The following TMCO5A variants were observed in gnomAD, a reference collection of about 807,000 sequenced individuals.
The protein encoded by TMCO5A is transmembrane and coiled-coil domains 5A, also known as transmembrane and coiled-coil domain-containing protein 5A.
A neutral mutation model predicts 42.3 loss-of-function variants in TMCO5A; 34 were observed. That is an observed-to-expected ratio of 0.80 (90% CI 0.61 to 1.07). The LOEUF (loss-of-function observed/expected upper bound fraction) is 1.07, where lower values mean the gene tolerates loss of function less well. Among genes scored for constraint, TMCO5A ranks in the 50% least tolerant of loss-of-function variants. The probability of loss-of-function intolerance (pLI) is 0.00; values close to 1 mark genes in which losing one functional copy is unlikely to be tolerated. For synonymous variants in TMCO5A, 131 were observed against 115.6 expected (o/e 1.13, Z -0.86); for missense variants, 357 against 327.9 (o/e 1.09, Z -0.69).
Position 37,938,210 on chromosome 15 carries a change from G to A in TMCO5A, c.368G>A (p.Gly123Glu). The change falls in exon 6 of 12, where the codon GGA becomes GAA. Residue 123 changes from glycine (G) to glutamate (E), a missense_variant. By Grantham distance (98) the Gly-to-Glu change is moderately conservative. Coordinates refer to ENST00000319669, the MANE Select transcript of TMCO5A (RefSeq NM_152453.4). ...ITNCEQSSPD[G>E]ALEETKVKLQ... is the part of the protein sequence containing the mutation. ...AATTGTGAACAAAGCAGTCCAGATG[G>A]AGCCCTAGAAGAGACAAAGGTAAAT... 1 of 1,578,668 alleles carries A rather than the reference G, an allele frequency of 6.3e-7. No homozygotes were observed.
chr15:38,021,807 A>C, the TMCO5A span, among the ~76,000 whole-genome samples: 3 of 150,488 alleles, frequency 2.0e-5, no homozygotes, highest in African/African-American at 7.3e-5. Context: ...GTAGTTCGAC[A>C]GTTTCTTTTT....
the TMCO5A span, among the ~76,000 whole-genome samples, chr15:38,023,330 C>G: frequency 0.5 from 75,839 of 152,062 alleles, 20,234 homozygotes; most frequent in East Asian, 0.84. Context: ...TGACTAGTCT[C>G]TGCTCCATAT....
At chr15:37,954,061 A>G (rs953445609), downstream of TMCO5A, among the ~76,000 whole-genome samples, 2 of 152,236 alleles carry the variant, frequency 1.3e-5, no homozygotes, top group African/African-American at 4.8e-5. Flanking sequence ...GCACACCTAC[A>G]GGATCTAGAA....
the TMCO5A span, among the ~76,000 whole-genome samples, chr15:37,999,208 A>G: frequency 6.6e-6 from 1 of 152,124 alleles, no homozygotes; most frequent in African/African-American, 2.4e-5. Flanking sequence ...ACCTGGCCCA[A>G]TCAGTGTTGT....
At chr15:38,003,578 T>C in the TMCO5A span, among the ~76,000 whole-genome samples, 1 of 151,944 alleles carries the variant, frequency 6.6e-6, no homozygotes, top group Non-Finnish European at 1.5e-5. Flanking sequence ...TGGTGCTTTA[T>C]TCTACTACTG....
At chr15:37,980,610 C>G in the TMCO5A span, among the ~76,000 whole-genome samples, 1 of 140,166 alleles carries the variant, frequency 7.1e-6, no homozygotes, top group Non-Finnish European at 1.5e-5. Context: ...GCGGCGCACA[C>G]CAGCCGCTTC....
chr15:38,027,061 C>A, the TMCO5A span, among the ~76,000 whole-genome samples: 1 of 152,100 alleles, frequency 6.6e-6, no homozygotes, highest in Non-Finnish European at 1.5e-5. Flanking sequence ...GGGGTCAGAT[C>A]CCCCACACAG....
chr15:37,979,952 A>G, the TMCO5A span, among the ~76,000 whole-genome samples: 1 of 151,734 alleles, frequency 6.6e-6, no homozygotes, highest in Non-Finnish European at 1.5e-5. Context: ...CTTATGAAAA[A>G]CATTCTGGCC....
At chr15:37,957,163 C>A (rs943805090) in intron 11 of TMCO5A, among the ~76,000 whole-genome samples, 4 of 152,086 alleles carry the variant, frequency 2.6e-5, no homozygotes, top group African/African-American at 9.7e-5. Context: ...TGGAGGCATT[C>A]CCTTTGAATA....
chr15:38,007,098 C>T, the TMCO5A span, among the ~76,000 whole-genome samples: 1 of 152,104 alleles, frequency 6.6e-6, no homozygotes, highest in South Asian at 2.1e-4. Flanking sequence ...TTAAAAAATG[C>T]CATAACTATT....
At position 37,947,716 on chromosome 15, in the gene TMCO5A, G is replaced by C. The variant is rs372649009; in HGVS notation, c.668+20G>C. The C allele has an allele frequency of 3.9e-6, 6 of 1,549,766 alleles. No individual in the cohort carries two copies. In the African/African-American group the frequency reaches 8.2e-5, roughly 21 times the overall value. ...TAAAAAGTAAGTAAAATATCTTCAGGTAAACTTCCTATAAAATTGGGAGCC... is the reference window on the plus strand; with the variant it reads ...TAAAAAGTAAGTAAAATATCTTCAGCTAAACTTCCTATAAAATTGGGAGCC... On this transcript the variant is annotated intron_variant, in intron 11 of 11. Transcript: ENST00000319669.
chr15:38,012,464 G>T, the TMCO5A span, among the ~76,000 whole-genome samples: 1 of 152,094 alleles, frequency 6.6e-6, no homozygotes, highest in Admixed American at 6.5e-5. Flanking sequence ...TATTCTCAGT[G>T]CTAGTTAAGG....
chr15:37,989,560 G>T, the TMCO5A span, among the ~76,000 whole-genome samples: 1 of 151,926 alleles, frequency 6.6e-6, no homozygotes, highest in Admixed American at 6.6e-5. Flanking sequence ...TGGATACATT[G>T]GTTGTTTAAG....
chr15:37,973,594 A>G, the TMCO5A span, among the ~76,000 whole-genome samples: 1 of 151,912 alleles, frequency 6.6e-6, no homozygotes, highest in Non-Finnish European at 1.5e-5. Context: ...TGCATTGCCC[A>G]GTGATTTTTG....
the TMCO5A span, among the ~76,000 whole-genome samples, chr15:38,005,384 C>G: frequency 1.2e-3 from 170 of 142,826 alleles, no homozygotes; most frequent in African/African-American, 4.4e-3. Context: ...ACAGCAAGAC[C>G]CCATCTCTAC....
the TMCO5A span, among the ~76,000 whole-genome samples, chr15:38,035,342 C>T: frequency 6.6e-6 from 1 of 152,144 alleles, no homozygotes; most frequent in Admixed American, 6.5e-5. Flanking sequence ...AATATAGTGC[C>T]ATTTAGGCTT....
chr15:38,023,439 T>C, the TMCO5A span, among the ~76,000 whole-genome samples: 1 of 152,196 alleles, frequency 6.6e-6, no homozygotes, highest in Admixed American at 6.5e-5. Flanking sequence ...CTTTTTAGCA[T>C]AGCAACCTCA....
At chr15:37,943,427 TCA>T (rs773669901) in intron 10 of TMCO5A, 29 bp downstream of exon 10, 6 of 1,608,408 alleles carry the variant, frequency 3.7e-6, no homozygotes, top group Non-Finnish European at 5.1e-6. Context: ...CTTCAGCTCC[TCA>T]CAGTGTCATT....
chr15:38,032,928 T>C, the TMCO5A span, among the ~76,000 whole-genome samples: 193 of 11,086 alleles, frequency 0.017, 5 homozygotes, highest in South Asian at 0.19. Context: ...TTTGGTCTCT[T>C]TTTTTTTTTT....
Sources: allele counts gnomAD v4.1 joint callset (sites outside exome capture counted in the v4.1 genomes callset), GRCh38; gene constraint gnomAD v4.1.1; transcripts MANE v1.5; gene names NCBI Gene and HGNC (gene_info 2026-07-23, HGNC 2026-07-21).